MBNL1: variants seen among roughly 807,000 people sequenced by gnomAD.
MBNL1 encodes the protein muscleblind like splicing regulator 1, also known as muscleblind-like protein 1.
A neutral mutation model predicts 42.2 loss-of-function variants in MBNL1; 8 were observed. That is an observed-to-expected ratio of 0.19 (90% CI 0.11 to 0.34). The LOEUF is 0.34. MBNL1 is among the 10% of genes least tolerant of loss of function. MBNL1 has a pLI of 1.00. For synonymous variants in MBNL1, 169 were observed against 173.9 expected (o/e 0.97, Z 0.22); for missense variants, 309 against 495.3 (o/e 0.62, Z 3.57).
At chr3:152,269,502 C>A (rs111816082) in intron 1 of MBNL1, 3 of 455,080 alleles carry the variant, frequency 6.6e-6, no homozygotes, top group African/African-American at 6.0e-5. Context: ...CCGGCGGCTC[C>A]CGCATCCCTG....
intron 1 of MBNL1, among the ~76,000 whole-genome samples, chr3:152,279,193 T>C (rs944664732): frequency 3.3e-5 from 5 of 152,132 alleles, no homozygotes; most frequent in Non-Finnish European, 7.4e-5. Flanking sequence ...AAAAAACAGA[T>C]AGACAACCTG....
chr3:152,250,416 T>A (rs1454030873), intron 2 of MBNL1, among the ~76,000 whole-genome samples: 7 of 151,674 alleles, frequency 4.6e-5, no homozygotes, highest in African/African-American at 1.7e-4. Context: ...TTTGGCTCTC[T>A]GTTTGTCTGT....
At chr3:152,419,500 G>A (rs1355278175) in intron 3 of MBNL1, among the ~76,000 whole-genome samples, 1 of 152,070 alleles carries the variant, frequency 6.6e-6, no homozygotes, top group African/African-American at 2.4e-5. Context: ...CCTAGCCAAG[G>A]GAAGCCATGA....
intron 2 of MBNL1, among the ~76,000 whole-genome samples, chr3:152,406,051 C>T (rs921085290): frequency 6.6e-6 from 1 of 152,132 alleles, no homozygotes; most frequent in Non-Finnish European, 1.5e-5. Context: ...TTGGAGTGTT[C>T]AATGATGCTG....
chr3:152,290,885 G>A (rs2055529757), intron 1 of MBNL1, among the ~76,000 whole-genome samples: 1 of 152,142 alleles, frequency 6.6e-6, no homozygotes, highest in Non-Finnish European at 1.5e-5. Flanking sequence ...TACATTGACA[G>A]ATTCGGGTTG....
chr3:152,449,831 G>A (rs55637593), intron 6 of MBNL1, among the ~76,000 whole-genome samples: 2,266 of 152,112 alleles, frequency 0.015, 51 homozygotes, highest in African/African-American at 0.051. Flanking sequence ...TTGGCCAGGC[G>A]CAGTGACTCA....
At chr3:152,356,215 T>G (rs1000658870) in intron 2 of MBNL1, among the ~76,000 whole-genome samples, 2 of 151,294 alleles carry the variant, frequency 1.3e-5, no homozygotes, top group Non-Finnish European at 2.9e-5. Flanking sequence ...TAAACAAATA[T>G]CCCAGCACAC....
chr3:152,431,962 A>G (rs1163334343), intron 3 of MBNL1, among the ~76,000 whole-genome samples: 1 of 152,246 alleles, frequency 6.6e-6, no homozygotes, highest in Non-Finnish European at 1.5e-5. Flanking sequence ...TCTGTCTTGT[A>G]GCAGTTTATT....
At chr3:152,246,238 A>G (rs1425914046) in intron 2 of MBNL1, among the ~76,000 whole-genome samples, 2 of 152,210 alleles carry the variant, frequency 1.3e-5, no homozygotes, top group Non-Finnish European at 2.9e-5. Context: ...GCTAACAATC[A>G]CAAGGAAACA....
At chr3:152,433,472 C>T (rs1238750870) in intron 4 of MBNL1, among the ~76,000 whole-genome samples, 3 of 151,980 alleles carry the variant, frequency 2.0e-5, no homozygotes, top group Non-Finnish European at 4.4e-5. Flanking sequence ...TTTTTGCGGC[C>T]GGGCGCGGTG....
chr3:152,419,975 A>C (rs1474889813), intron 3 of MBNL1, among the ~76,000 whole-genome samples: 1 of 152,168 alleles, frequency 6.6e-6, no homozygotes, highest in Non-Finnish European at 1.5e-5. Flanking sequence ...CTCACGATGT[A>C]AACCAAGCTG....
chr3:152,380,889 T>A (rs1386295279), intron 2 of MBNL1, among the ~76,000 whole-genome samples: 1 of 152,130 alleles, frequency 6.6e-6, no homozygotes, highest in Non-Finnish European at 1.5e-5. Context: ...CACAAGCCAA[T>A]TCTAAGTTAG....
chr3:152,305,220 G>T (rs1395523089), intron 2 of MBNL1, among the ~76,000 whole-genome samples: 1 of 152,166 alleles, frequency 6.6e-6, no homozygotes, highest in Admixed American at 6.5e-5. Context: ...GCAGTGTGGG[G>T]TGAATTGTCT....
intron 2 of MBNL1, among the ~76,000 whole-genome samples, chr3:152,342,082 C>T (rs192809439): frequency 2.3e-4 from 35 of 152,230 alleles, no homozygotes; most frequent in Admixed American, 2.0e-4. Flanking sequence ...GAAACTGATA[C>T]CAAGAGAAAC....
intron 2 of MBNL1, among the ~76,000 whole-genome samples, chr3:152,376,297 AG>A (rs1223210678): frequency 8.5e-5 from 13 of 152,214 alleles, no homozygotes; most frequent in African/African-American, 2.7e-4. Context: ...GGATTATACA[AG>A]TATTTGACTC....
chr3:152,446,768 C>G, intron 5 of MBNL1: 1 of 1,609,898 alleles, frequency 6.2e-7, no homozygotes, highest in African/African-American at 1.3e-5. Context: ...GTACTATGAC[C>G]TTTCACCTTT....
intron 2 of MBNL1, among the ~76,000 whole-genome samples, chr3:152,409,871 A>T (rs546509536): frequency 5.1e-4 from 77 of 152,324 alleles, no homozygotes; most frequent in African/African-American, 1.8e-3. Flanking sequence ...ATAATTAAAA[A>T]TGGAAAATTA....
chr3:152,352,867 A>T (rs1163521811), intron 2 of MBNL1, among the ~76,000 whole-genome samples: 2 of 152,172 alleles, frequency 1.3e-5, no homozygotes, highest in South Asian at 2.1e-4. Context: ...TGCATGCAAG[A>T]ATAGCTGTTT....
intron 2 of MBNL1, among the ~76,000 whole-genome samples, chr3:152,358,018 CGTGCGTGTATCT>C (rs1011261857): frequency 6.6e-6 from 1 of 151,994 alleles, no homozygotes; most frequent in African/African-American, 2.4e-5. Flanking sequence ...TGCGCACGCA[CGTGCGTGTATCT>C]GTGTCTGTGT....
Sources: gnomAD v4.1 joint callset for allele counts (sites outside exome capture counted in the v4.1 genomes callset) on GRCh38, gnomAD v4.1.1 for gene constraint, MANE v1.5 for transcripts, NCBI Gene and HGNC (gene_info 2026-07-23, HGNC 2026-07-21) for gene names.